Variants in DMD observed in about 807,000 individuals in gnomAD.
The protein encoded by DMD is mutant dystrophin.
DMD carries 63 observed loss-of-function variants against 330.1 expected under a neutral mutation model. That is an observed-to-expected ratio of 0.19 (90% CI 0.16 to 0.24). The LOEUF (loss-of-function observed/expected upper bound fraction) is 0.24, where lower values mean the gene tolerates loss of function less well. Ranked by LOEUF, DMD falls within the 10% of genes least tolerant of loss-of-function variation. The pLI, the probability that DMD is intolerant of heterozygous loss-of-function variation, is 1.00. For missense variants in DMD, 3,344 were observed against 2,684.1 expected (o/e 1.25, Z -5.43); for synonymous variants, 1,223 against 959.8 (o/e 1.27, Z -5.07).
intron 12 of DMD, among the ~76,000 whole-genome samples, chrX:32,602,914 A>T (rs761728962): frequency 1.8e-5 from 2 of 111,624 alleles, no homozygotes; most frequent in South Asian, 7.4e-4. Context: ...GGTCAAAGTT[A>T]AAATCAGAAT....
At position 31,120,521 on chromosome X, in the gene DMD, T is replaced by C. The variant is rs1236320428; in HGVS notation, c.*1398A>G. ...TTATTTTAAATTATGTCTTGTGGCATTTAAAAACTCATCCCACATGGGACA... is the reference window on the plus strand; with the variant it reads ...TTATTTTAAATTATGTCTTGTGGCACTTAAAAACTCATCCCACATGGGACA... On this transcript the variant is annotated 3_prime_UTR_variant, in exon 79 of 79. Transcript: ENST00000357033. The C allele has an allele frequency of 8.9e-6, 1 of 112,150 alleles. No homozygotes were observed. The highest frequency in any genetic ancestry group is 2.8e-4 in the East Asian group (1 of 3,577). 9.2% of individuals were successfully genotyped at this position (112,150 alleles called of 1,213,427 possible).
intron 62 of DMD, among the ~76,000 whole-genome samples, chrX:31,304,856 C>A (rs1376350456): frequency 9.0e-6 from 1 of 110,973 alleles, no homozygotes; most frequent in Non-Finnish European, 1.9e-5. Context: ...GTCCTGACGT[C>A]TTCCCCTAGC....
At chrX:31,579,152 C>A (rs1921960) in intron 55 of DMD, among the ~76,000 whole-genome samples, 35,731 of 111,110 alleles carry the variant, frequency 0.32, 4,351 homozygotes, top group African/African-American at 0.41. Flanking sequence ...TCTTACAGAA[C>A]AGACTGACTG....
chrX:32,949,251 T>TACACAC lies in DMD; in HGVS notation c.93+70882_93+70887dup, dbSNP rs10587318. Among the ~76,000 whole-genome samples, 98 of 89,594 alleles carry TACACAC rather than the reference T, an allele frequency of 1.1e-3. 1 individual carries two copies. Among genetic ancestry groups the TACACAC allele is most frequent in the Middle Eastern group, 0.011 (2 of 174 alleles). The allele number at this position is 89,594 out of a possible 115,157, so 77.8% of individuals were successfully genotyped here. A position where few individuals can be genotyped will look rare whatever the true frequency, so the allele number is the denominator to read the frequency against. ...CCATTGCTTCAATTAAATCGTTACATACACACACACACACACACACACACA... is the reference window on the plus strand; with the variant it reads ...CCATTGCTTCAATTAAATCGTTACATACACACACACACACACACACACACACACACA... On this transcript the variant is annotated intron_variant, in intron 2 of 78. Coordinates refer to ENST00000357033, the MANE Select transcript of DMD (RefSeq NM_004006.3).
chrX:32,287,448 G>T, intron 43 of DMD, 81 bp downstream of exon 43: 2 of 947,258 alleles, frequency 2.1e-6, no homozygotes, highest in Non-Finnish European at 3.0e-6. Flanking sequence ...TTTTTCCATG[G>T]AGGGTACTGA....
At chrX:31,722,212 G>A (rs950363554) in intron 52 of DMD, among the ~76,000 whole-genome samples, 5 of 109,934 alleles carry the variant, frequency 4.5e-5, no homozygotes, top group African/African-American at 1.7e-4. Context: ...TCCGCCTCCC[G>A]GGTTCAAGCA....
rs1018551367 is a variant in DMD at position 32,538,172 on chromosome X, G to A, written c.2168+6987C>T. 3.6e-5 allele frequency among the ~76,000 whole-genome samples: 4 copies of A among 112,382 alleles called. No homozygotes were observed. In the South Asian group the frequency reaches 1.5e-3, roughly 41 times the overall value. The stretch of plus-strand genomic sequence containing the variant: ...TAGATGGCCCCTGTCAGGCCTCTGA[G>A]CCCAAGCTAAGCCATCCTTTCCCCT... On this transcript the variant is annotated intron_variant, in intron 17 of 78. Coordinates refer to ENST00000357033, the MANE Select transcript of DMD (RefSeq NM_004006.3).
intron 27 of DMD, among the ~76,000 whole-genome samples, chrX:32,443,592 G>T (rs2098291389): frequency 9.0e-6 from 1 of 110,873 alleles, no homozygotes; most frequent in Non-Finnish European, 1.9e-5. Flanking sequence ...TTGAGGTAAT[G>T]AACTACCTTG....
intron 55 of DMD, among the ~76,000 whole-genome samples, chrX:31,613,105 G>T (rs761036394): frequency 9.8e-5 from 11 of 111,894 alleles, no homozygotes; most frequent in Non-Finnish European, 1.9e-4. Flanking sequence ...TATTCATTCA[G>T]CTCAGTGTCA....
At chrX:33,198,678 G>C (rs1363295222) in intron 1 of DMD, among the ~76,000 whole-genome samples, 1 of 111,313 alleles carries the variant, frequency 9.0e-6, no homozygotes, top group African/African-American at 3.3e-5. Flanking sequence ...AGGTAATAAA[G>C]TGGTGAGCAA....
At chrX:32,472,075 A>C in intron 22 of DMD, 89 bp downstream of exon 22, 1 of 1,075,676 alleles carries the variant, frequency 9.3e-7, no homozygotes, top group Non-Finnish European at 1.3e-6. Context: ...TGTCAGAATG[A>C]CTTAAATTCT....
chrX:32,671,330 A>G (rs1421923877), intron 9 of DMD, among the ~76,000 whole-genome samples: 2 of 111,017 alleles, frequency 1.8e-5, no homozygotes, highest in East Asian at 2.8e-4. Context: ...CCAATTAACT[A>G]TAACTTCGAT....
chrX:32,440,796 T>G (rs940241535), intron 28 of DMD, among the ~76,000 whole-genome samples: 9 of 111,754 alleles, frequency 8.1e-5, no homozygotes, highest in Admixed American at 7.6e-4. Flanking sequence ...TAAAATAGGT[T>G]CCAATTCAAT....
chrX:32,230,323 C>T (rs1029015758), intron 43 of DMD, among the ~76,000 whole-genome samples: 1 of 112,263 alleles, frequency 8.9e-6, no homozygotes, highest in Non-Finnish European at 1.9e-5. Flanking sequence ...CGGCTCACTA[C>T]AAGCTCTGCC....
At chrX:33,167,800 AT>A (rs758990919) in intron 1 of DMD, among the ~76,000 whole-genome samples, 45 of 111,069 alleles carry the variant, frequency 4.1e-4, no homozygotes, top group Non-Finnish European at 6.8e-4. Flanking sequence ...GTCACTTCCC[AT>A]TTACCACTTA....
chrX:31,722,773 C>T (rs767251371), intron 52 of DMD, among the ~76,000 whole-genome samples: 3 of 110,691 alleles, frequency 2.7e-5, no homozygotes, highest in South Asian at 3.9e-4. Flanking sequence ...AGGCTGGGCG[C>T]GGTGGCTCAG....
chrX:33,065,953 T>C (rs1214924962), intron 1 of DMD, among the ~76,000 whole-genome samples: 1 of 110,925 alleles, frequency 9.0e-6, no homozygotes, highest in South Asian at 3.8e-4. Flanking sequence ...GCTATATAGA[T>C]GAGCAGGAAA....
chrX:32,752,121 T>C (rs190113169), intron 7 of DMD, among the ~76,000 whole-genome samples: 2 of 112,041 alleles, frequency 1.8e-5, no homozygotes, highest in East Asian at 5.6e-4. Context: ...ACTAGAGCAC[T>C]GTCTATTAGA....
intron 2 of DMD, among the ~76,000 whole-genome samples, chrX:32,898,600 G>A (rs1252439014): frequency 8.9e-6 from 1 of 112,059 alleles, no homozygotes; most frequent in African/African-American, 3.2e-5. Flanking sequence ...GCAGATTAAT[G>A]CAAATTGAGA....
Sources: allele counts gnomAD v4.1 joint callset (sites outside exome capture counted in the v4.1 genomes callset), GRCh38; gene constraint gnomAD v4.1.1; transcripts MANE v1.5; gene names NCBI Gene and HGNC (gene_info 2026-07-23, HGNC 2026-07-21).